MAP3K11: variants seen among roughly 807,000 people sequenced by gnomAD.
The protein encoded by MAP3K11 is mitogen-activated protein kinase kinase kinase 11.
A neutral mutation model predicts 84.9 loss-of-function variants in MAP3K11; 46 were observed. That is an observed-to-expected ratio of 0.54 (90% CI 0.43 to 0.69). MAP3K11 has a LOEUF of 0.69. MAP3K11 is among the 30% of genes least tolerant of loss of function. The pLI is 0.00. For synonymous variants in MAP3K11, 527 were observed against 514.7 expected (o/e 1.02, Z -0.32); for missense variants, 1,053 against 1,198.3 (o/e 0.88, Z 1.79).
intron 8 of MAP3K11, among the ~76,000 whole-genome samples, chr11:65,603,084 C>T (rs2135365885): frequency 6.6e-6 from 1 of 152,232 alleles, no homozygotes; most frequent in South Asian, 2.1e-4. Flanking sequence ...GCCTGGGTAA[C>T]AGAATGAGAC....
Position 65,597,810 on chromosome 11 carries a change from C to T in MAP3K11, c.*481G>A, listed in dbSNP as rs1854397713. On this transcript the variant is annotated 3_prime_UTR_variant, in exon 10 of 10. Coordinates refer to ENST00000309100, the MANE Select transcript of MAP3K11 (RefSeq NM_002419.4). ...CTTCTGGCTTCACTGGATCCCGAGG[C>T]TAAGACTCCAACCCTGGCTGGGGCA... 1 of 157,366 alleles carries T rather than the reference C, an allele frequency of 6.4e-6. No homozygotes were observed. Among genetic ancestry groups the T allele is most frequent in the Admixed American group, 6.5e-5 (1 of 15,368 alleles). The allele number at this position is 157,366 out of a possible 1,614,324, so 9.7% of individuals were successfully genotyped here.
rs1407429942 is a variant in MAP3K11 at position 65,608,046 on chromosome 11, C to T, written c.945G>A (p.Leu315=). Residue 315 remains leucine, a synonymous_variant, in exon 3 of 10, where the codon CTG becomes CTA. Coordinates refer to ENST00000309100, the MANE Select transcript of MAP3K11 (RefSeq NM_002419.4). The part of the protein sequence containing the change: ...VWSFGVLLWE[L]LTGEVPYRGI... The stretch of plus-strand genomic sequence containing the variant: ...CACGGTATGGCACCTCCCCGGTCAG[C>T]AGTTCCCACAGCAGCACCCCAAAAC... 6.2e-7 allele frequency: 1 copy of T among 1,614,068 alleles called. No homozygotes were observed. The highest frequency in any genetic ancestry group is 1.3e-5 in the African/African-American group (1 of 74,944).
rs3825069 is a variant in MAP3K11 at position 65,613,844 on chromosome 11, G to A, written c.-88C>T. The A allele has an allele frequency of 1.9e-4, 262 of 1,396,428 alleles. 2 individuals are homozygous for A. In the East Asian group the frequency reaches 2.7e-3, roughly 14 times the overall value. 86.5% of individuals were successfully genotyped at this position (1,396,428 alleles called of 1,614,324 possible). ...CGCTGGCTGCCAAGGCCCTAGTCCCGGAACCTGGGCATCCGGGCCCTGGCC... is the reference window on the plus strand; with the variant it reads ...CGCTGGCTGCCAAGGCCCTAGTCCCAGAACCTGGGCATCCGGGCCCTGGCC... On this transcript the variant is annotated 5_prime_UTR_variant, in exon 1 of 10. Coordinates refer to ENST00000309100, the MANE Select transcript of MAP3K11 (RefSeq NM_002419.4).
rs768273388 is a variant in MAP3K11 at position 65,599,395 on chromosome 11, G to A, written c.2205C>T (p.Arg735=). 28 of 1,535,306 alleles carry A rather than the reference G, an allele frequency of 1.8e-5. No individual in the cohort carries two copies. The highest frequency in any genetic ancestry group is 8.7e-5 in the South Asian group (7 of 80,266). The change falls in exon 9 of 10, where the codon CGC becomes CGT. Residue 735 remains arginine, a splice_region_variant and synonymous_variant. Transcript: ENST00000309100. ...AKSPRREEEP[R]GGTVSPPPGT... is the part of the protein sequence containing the mutation. ...GCAGGCCGGCTTCAGGCCACTCACC[G>A]CGGGGCTCCTCCTCACGTCGGGGGC...
At chr11:65,605,637 T>TA in intron 8 of MAP3K11, 124 bp downstream of exon 8, 2 of 668,082 alleles carry the variant, frequency 3.0e-6, no homozygotes, top group Non-Finnish European at 4.9e-6. Flanking sequence ...CTTGGTTTCC[T>TA]AGTCTCTAGA....
At position 65,598,476 on chromosome 11, in the gene MAP3K11, G is replaced by A. The variant is rs772378784; in HGVS notation, c.2359C>T (p.Arg787Trp). The A allele has an allele frequency of 8.1e-6, 13 of 1,613,414 alleles. No individual in the cohort carries two copies. The highest frequency in any genetic ancestry group is 2.2e-5 in the South Asian group (2 of 91,034). The change falls in exon 10 of 10, where the codon CGG becomes TGG. Residue 787 changes from arginine to tryptophan, a missense_variant. Arg to Trp is a moderately radical substitution (Grantham distance 101). This residue lies in a region of MAP3K11 where 583 missense variants were observed against 566.6 expected (regional missense o/e 1.03). Coordinates refer to ENST00000309100, the MANE Select transcript of MAP3K11 (RefSeq NM_002419.4). ...TGTGGTGATGGCAGGGGAGAAGGCC[G>A]TGGCCCAGCTGACACAAAGCTCCAG... ...DPWSFVSAGP[R>W]PSPLPSPQPA...
Position 65,607,770 on chromosome 11 carries a change from G to A in MAP3K11, c.1116C>T (p.Ile372=). The A allele has an allele frequency of 1.9e-6, 3 of 1,613,436 alleles. No individual in the cohort carries two copies. The highest frequency in any genetic ancestry group is 2.5e-6 in the Non-Finnish European group (3 of 1,179,800). ...DPHRRPDFAS[I]LQQLEALEAQ... ...CCTCCAGCGCCTCCAACTGCTGCAG[G>A]ATGGAGGCGAAGTCGGGCCTGCGGT... The change falls in exon 4 of 10, where the codon ATC becomes ATT. Residue 372 remains isoleucine (I), a synonymous_variant. Coordinates refer to ENST00000309100, the MANE Select transcript of MAP3K11 (RefSeq NM_002419.4).
intron 8 of MAP3K11, 67 bp from the exon 9 acceptor site, chr11:65,599,835 C>A: frequency 6.5e-7 from 1 of 1,533,610 alleles, no homozygotes; most frequent in East Asian, 2.4e-5. Flanking sequence ...CCCAAGACCT[C>A]TCCGTGGTCT....
At chr11:65,602,912 C>A (rs1246545137) in intron 8 of MAP3K11, among the ~76,000 whole-genome samples, 1 of 152,130 alleles carries the variant, frequency 6.6e-6, no homozygotes, top group Non-Finnish European at 1.5e-5. Context: ...CGCAGCCCAG[C>A]CTGGGCAACA....
intron 1 of MAP3K11, chr11:65,611,991 C>T (rs1854575248): frequency 6.6e-6 from 1 of 152,208 alleles, no homozygotes; most frequent in Admixed American, 6.5e-5. Context: ...CTGTTTCCTG[C>T]AAGCCCCTTG....
chr11:65,607,726 A>G lies in MAP3K11; in HGVS notation c.1160T>C (p.Met387Thr). 1 of 1,613,868 alleles carries G rather than the reference A, an allele frequency of 6.2e-7. No homozygotes were observed. The highest frequency in any genetic ancestry group is 8.5e-7 in the Non-Finnish European group (1 of 1,179,898). Residue 387 changes from methionine to threonine, a missense_variant, in exon 4 of 10, where the codon ATG becomes ACG. Coordinates refer to ENST00000309100, the MANE Select transcript of MAP3K11 (RefSeq NM_002419.4). ...EALEAQVLRE[M>T]PRDSFHSMQE... ...CATGGAATGGAAGGAGTCCCGCGGC[A>G]TTTCCCGTAGGACCTGTGCCTCCAG...
Position 65,598,390 on chromosome 11 carries a change from G to A in MAP3K11, c.2445C>T (p.Ser815=), listed in dbSNP as rs774440785. 6.4e-7 allele frequency: 1 copy of A among 1,563,162 alleles called. No homozygotes were observed. The highest frequency in any genetic ancestry group is 2.3e-5 in the East Asian group (1 of 43,758). The change falls in exon 10 of 10, where the codon TCC becomes TCT. Residue 815 remains serine (S), a synonymous_variant. Transcript: ENST00000309100. The part of the protein sequence containing the change: ...LFPDSDPFWD[S]PPANPFQGGP... ...CCCCCTGGAAGGGGTTGGCAGGTGG[G>A]GAGTCCCAGAAGGGGTCTGAGTCCG...
intron 9 of MAP3K11, 35 bp downstream of exon 9, chr11:65,599,359 C>T (rs758510182): frequency 6.6e-7 from 1 of 1,526,220 alleles, no homozygotes; most frequent in Non-Finnish European, 8.7e-7. Context: ...CCCCCGTCTC[C>T]CATATGTGAA....
At chr11:65,601,229 C>T (rs1389167850) in intron 8 of MAP3K11, among the ~76,000 whole-genome samples, 1 of 152,304 alleles carries the variant, frequency 6.6e-6, no homozygotes, top group East Asian at 1.9e-4. Flanking sequence ...ACACACTATT[C>T]ACTCTGGGTG....
Position 65,602,135 on chromosome 11 carries a change from G to A in MAP3K11, c.1832-2367C>T, listed in dbSNP as rs537227664. ...GGAGAATCGCTTGAACCCAGGAGGC[G>A]GAGGTTACAGTGAGCCGAGATCCCG... On this transcript the variant is annotated intron_variant, in intron 8 of 9. Transcript: ENST00000309100. Among the ~76,000 whole-genome samples the A allele has an allele frequency of 1.2e-3, 176 of 150,494 alleles. 1 individual carries two copies. The highest frequency in any genetic ancestry group is 4.1e-3 in the African/African-American group (166 of 40,846).
intron 2 of MAP3K11, 52 bp downstream of exon 2, chr11:65,608,216 T>C (rs1354768724): frequency 6.3e-7 from 1 of 1,597,336 alleles, no homozygotes; most frequent in Non-Finnish European, 8.6e-7. Flanking sequence ...GGCAGCCACC[T>C]CTGCCCTCTG....
intron 6 of MAP3K11, chr11:65,606,438 G>A (rs1008692983): frequency 4.7e-6 from 2 of 423,048 alleles, no homozygotes; most frequent in East Asian, 3.7e-5. Context: ...TAGAATTATT[G>A]CAAGAAATTA....
chr11:65,613,262 G>A lies in MAP3K11; in HGVS notation c.495C>T (p.Ala165=). ...SVTAESVRQE[A]RLFAMLAHPN... is the part of the protein sequence containing the mutation. ...GGTGTGCCAGCATGGCGAAGAGCCG[G>A]GCCTCCTGGCGAACGCTCTCGGCTG... is the stretch of plus-strand genomic sequence containing the variant. The change falls in exon 1 of 10, where the codon GCC becomes GCT. Residue 165 remains alanine, a synonymous_variant. Transcript: ENST00000309100. 1.2e-6 allele frequency: 2 copies of A among 1,610,760 alleles called. No individual in the cohort carries two copies. The highest frequency in any genetic ancestry group is 1.1e-5 in the South Asian group (1 of 90,892).
At position 65,599,503 on chromosome 11, in the gene MAP3K11, C is replaced by G. The variant is rs151008395; in HGVS notation, c.2097G>C (p.Ser699=). 9 of 1,494,554 alleles carry G rather than the reference C, an allele frequency of 6.0e-6. No individual in the cohort carries two copies. The South Asian group carries it at 6.6e-5, about 11-fold the overall frequency. The allele number at this position is 1,494,554 out of a possible 1,614,324, so 92.6% of individuals were successfully genotyped here. ...EPPPSPLICF[S]LKTPDSPPTP... is the part of the protein sequence containing the mutation. ...TGGGCGGGGAGTCGGGCGTCTTGAGCGAGAAGCAGATGAGCGGGGAAGGGG... is the reference window on the plus strand; with the variant it reads ...TGGGCGGGGAGTCGGGCGTCTTGAGGGAGAAGCAGATGAGCGGGGAAGGGG... The change falls in exon 9 of 10, where the codon TCG becomes TCC. Residue 699 remains serine (S), a synonymous_variant. Coordinates refer to ENST00000309100, the MANE Select transcript of MAP3K11 (RefSeq NM_002419.4).
Sources: allele counts gnomAD v4.1 joint callset (sites outside exome capture counted in the v4.1 genomes callset), GRCh38; gene constraint gnomAD v4.1.1; regional missense constraint gnomAD v4.1.1; transcripts MANE v1.5; gene names NCBI Gene and HGNC (gene_info 2026-07-23, HGNC 2026-07-21).